Variants in ALPK2 observed in about 807,000 individuals in gnomAD.
ALPK2 encodes the protein alpha kinase 2.
Under a neutral mutation model 163.1 loss-of-function variants are expected in ALPK2, and 127 were observed. The ratio of observed to expected loss-of-function variants is 0.78; its 90% confidence interval spans 0.67 to 0.90. The LOEUF is 0.90. Ranked by LOEUF, ALPK2 falls within the 40% of genes least tolerant of loss-of-function variation. ALPK2 has a pLI of 0.00. For missense variants in ALPK2, 2,360 were observed against 2,589.6 expected (o/e 0.91, Z 1.92); for synonymous variants, 953 against 959.1 (o/e 0.99, Z 0.12).
chr18:58,483,674 C>T (rs2051323369), intron 12 of ALPK2, among the ~76,000 whole-genome samples: 1 of 151,788 alleles, frequency 6.6e-6, no homozygotes, highest in African/African-American at 2.4e-5. Flanking sequence ...CCTCAGCCTC[C>T]CAAGTAGCTG....
chr18:58,606,404 A>G (rs1313260190), intron 3 of ALPK2, among the ~76,000 whole-genome samples: 2 of 152,238 alleles, frequency 1.3e-5, no homozygotes, highest in Non-Finnish European at 2.9e-5. Flanking sequence ...ACAAAGGACT[A>G]GATAGGAGAT....
intron 4 of ALPK2, among the ~76,000 whole-genome samples, chr18:58,571,463 C>T (rs1003316261): frequency 4.7e-5 from 7 of 148,686 alleles, no homozygotes; most frequent in African/African-American, 1.7e-4. Flanking sequence ...ACCTAAACCT[C>T]ATACTTTCTA....
intron 4 of ALPK2, among the ~76,000 whole-genome samples, chr18:58,557,640 G>A (rs1281843663): frequency 1.4e-5 from 2 of 147,376 alleles, no homozygotes; most frequent in East Asian, 3.9e-4. Flanking sequence ...AAACTATAGT[G>A]TGTGTGTATA....
chr18:58,599,412 G>A (rs564865809), intron 3 of ALPK2, among the ~76,000 whole-genome samples: 2 of 152,288 alleles, frequency 1.3e-5, no homozygotes, highest in East Asian at 3.9e-4. Flanking sequence ...CACCTTCCAG[G>A]TGTCGGAAAG....
chr18:58,574,281 A>T (rs1025221685), intron 4 of ALPK2, among the ~76,000 whole-genome samples: 17 of 100,778 alleles, frequency 1.7e-4, no homozygotes, highest in Admixed American at 1.4e-3. Context: ...TGTCTCTACT[A>T]AAAAAAAAAA....
At chr18:58,499,541 G>A (rs957803207) in intron 11 of ALPK2, among the ~76,000 whole-genome samples, 10 of 152,176 alleles carry the variant, frequency 6.6e-5, no homozygotes, top group Non-Finnish European at 7.3e-5. Flanking sequence ...CCCTGACCAC[G>A]CACCAATTCC....
At chr18:58,487,834 C>T (rs1416354413) in intron 12 of ALPK2, among the ~76,000 whole-genome samples, 2 of 151,878 alleles carry the variant, frequency 1.3e-5, no homozygotes, top group South Asian at 2.1e-4. Context: ...CCAGCCTGGG[C>T]AACATAACGA....
At chr18:58,513,682 G>A (rs961341024) in intron 10 of ALPK2, among the ~76,000 whole-genome samples, 3 of 152,218 alleles carry the variant, frequency 2.0e-5, no homozygotes, top group Non-Finnish European at 4.4e-5. Flanking sequence ...TTGTAGGCCA[G>A]CCTGGGCAAC....
intron 10 of ALPK2, among the ~76,000 whole-genome samples, chr18:58,506,160 T>TG (rs2051460886): frequency 6.6e-6 from 1 of 152,026 alleles, no homozygotes. Context: ...AATTTAACTC[T>TG]GCATTGGGCA....
chr18:58,483,527 CACTTTATT>C (rs750020858), intron 12 of ALPK2, among the ~76,000 whole-genome samples: 1 of 107,670 alleles, frequency 9.3e-6, no homozygotes, highest in Non-Finnish European at 1.9e-5. Flanking sequence ...AAGTCCTACT[CACTTTATT>C]TATTTATTTA....
intron 4 of ALPK2, among the ~76,000 whole-genome samples, chr18:58,556,213 T>C (rs2051790469): frequency 6.6e-6 from 1 of 150,974 alleles, no homozygotes; most frequent in Non-Finnish European, 1.5e-5. Context: ...AGGTATGCAG[T>C]GAACAGGTAT....
chr18:58,497,969 C>T (rs2051409569), intron 12 of ALPK2, 80 bp downstream of exon 12: 3 of 1,342,248 alleles, frequency 2.2e-6, no homozygotes, highest in Non-Finnish European at 3.2e-6. Context: ...ACTTTGCCCA[C>T]CTCAGCCTGA....
At chr18:58,531,881 G>A (rs9957201) in intron 5 of ALPK2, among the ~76,000 whole-genome samples, 19,385 of 131,914 alleles carry the variant, frequency 0.15, 1,530 homozygotes, top group Middle Eastern at 0.31. Context: ...AGGTTGTAGT[G>A]AGCCGAGATT....
chr18:58,563,711 C>T (rs1032127566), intron 4 of ALPK2, among the ~76,000 whole-genome samples: 1 of 152,122 alleles, frequency 6.6e-6, no homozygotes, highest in Non-Finnish European at 1.5e-5. Flanking sequence ...ATTTTTAATG[C>T]CTGCATAGTC....
chr18:58,538,573 C>T (rs562794894), intron 4 of ALPK2: 12 of 219,736 alleles, frequency 5.5e-5, no homozygotes, highest in Admixed American at 2.6e-4. Flanking sequence ...AAGAGCTGTG[C>T]GCATCTTTCC....
intron 3 of ALPK2, among the ~76,000 whole-genome samples, chr18:58,606,312 T>C (rs1033461454): frequency 2.6e-5 from 4 of 152,156 alleles, no homozygotes; most frequent in African/African-American, 9.7e-5. Context: ...ACTCCTGGCC[T>C]CAAGCAATCC....
At position 58,529,089 on chromosome 18, in the gene ALPK2, A is replaced by G. The variant is rs1249527279; in HGVS notation, c.5501+2T>C. On this transcript the variant is annotated splice_donor_variant, in intron 6 of 12. Transcript: ENST00000361673. LOFTEE classifies it high-confidence loss of function. Reference sequence around the variant, plus strand: ...AAAAGTAACCAGGGAAAAACATCGCACCTTCTCTGCACTTGGGCTATGGAC... The same window carrying G: ...AAAAGTAACCAGGGAAAAACATCGCGCCTTCTCTGCACTTGGGCTATGGAC... 1.2e-6 allele frequency: 2 copies of G among 1,613,998 alleles called. No individual in the cohort carries two copies. The highest frequency in any genetic ancestry group is 3.3e-5 in the Admixed American group (2 of 60,008).
At chr18:58,587,542 A>G (rs746759506) in intron 3 of ALPK2, among the ~76,000 whole-genome samples, 4 of 152,252 alleles carry the variant, frequency 2.6e-5, no homozygotes, top group Admixed American at 6.5e-5. Context: ...CAATAAAGAC[A>G]TAGAAATTAT....
chr18:58,577,916 C>A (rs1025479336), intron 4 of ALPK2: 2 of 152,030 alleles, frequency 1.3e-5, no homozygotes, highest in African/African-American at 4.8e-5. Context: ...AAGGGGAATA[C>A]AAAGTATAGT....
Sources: gnomAD v4.1 joint callset for allele counts (sites outside exome capture counted in the v4.1 genomes callset) on GRCh38, gnomAD v4.1.1 for gene constraint, MANE v1.5 for transcripts, NCBI Gene and HGNC (gene_info 2026-07-23, HGNC 2026-07-21) for gene names.